Variants in MADD observed in about 807,000 individuals in gnomAD.
MADD encodes MAP kinase activating death domain, also known as MAP kinase-activating death domain protein.
A neutral mutation model predicts 176.7 loss-of-function variants in MADD; 109 were observed. The ratio of observed to expected loss-of-function variants is 0.62; its 90% confidence interval spans 0.53 to 0.72. The LOEUF is 0.72. Among genes scored for constraint, MADD ranks in the 30% least tolerant of loss-of-function variants. The pLI, the probability that MADD is intolerant of heterozygous loss-of-function variation, is 0.00. For synonymous variants in MADD, 771 were observed against 771.3 expected, an observed-to-expected ratio of 1.00 and a Z score of 0.01; for missense variants, 1,914 against 2,045.5, an observed-to-expected ratio of 0.94 and a Z score of 1.24.
chr11:47,325,219 T>TA lies in MADD; in HGVS notation c.4542+643dup, dbSNP rs2095305823. The TA allele has an allele frequency of 6.3e-6, 1 of 159,630 alleles. No homozygotes were observed. The highest frequency in any genetic ancestry group is 2.4e-5 in the African/African-American group (1 of 41,458). The allele number at this position is 159,630 out of a possible 1,614,324, so 9.9% of individuals were successfully genotyped here. A position where few individuals can be genotyped will look rare whatever the true frequency, so the allele number is the denominator to read the frequency against. The stretch of plus-strand genomic sequence containing the variant: ...TCTTTCCCTCATTGTAATTCCACCA[T>TA]AGGAGCTGACTTTTTTTTTTCTCTC... On this transcript the variant is annotated intron_variant, in intron 30 of 32. Transcript: ENST00000402192. This position sits in a 1 kb window ranked among gnomAD's most constrained non-coding sequence, Gnocchi z 4.5.
At chr11:47,315,128 G>A (rs1042792229) in intron 26 of MADD, 92 bp from the exon 30 acceptor site, 2 of 731,586 alleles carry the variant, frequency 2.7e-6, no homozygotes, top group African/African-American at 1.7e-5. Flanking sequence ...TGAGGAAGCC[G>A]ATATGAATTT....
chr11:47,308,767 C>T lies in MADD; in HGVS notation c.3751+68C>T, dbSNP rs2085310062. The stretch of plus-strand genomic sequence containing the variant: ...GACTCAGCCAGGGGAGAGGGTCACA[C>T]TGAACAAGTAGCTGGTTGTCTTTCT... On this transcript the variant is annotated intron_variant, in intron 23 of 32. Transcript: ENST00000402192. 3.8e-6 allele frequency: 5 copies of T among 1,306,390 alleles called. No homozygotes were observed. In the South Asian group the frequency reaches 4.8e-5, roughly 13 times the overall value. The allele number at this position is 1,306,390 out of a possible 1,614,324, so 80.9% of individuals were successfully genotyped here.
In MADD at chr11:47,325,347, A is replaced by T; in HGVS notation, c.4542+770A>T. ...CATCCCAGGTCCGTTCACAGCTCTGACTCCTCACACAAGTGCCTTCCCTCC... is the reference window on the plus strand; with the variant it reads ...CATCCCAGGTCCGTTCACAGCTCTGTCTCCTCACACAAGTGCCTTCCCTCC... On this transcript the variant is annotated intron_variant, in intron 30 of 32. Coordinates refer to ENST00000402192, the Ensembl canonical transcript of MADD. This position sits in a 1 kb window ranked among gnomAD's most constrained non-coding sequence, Gnocchi z 4.5. 6.6e-6 allele frequency: 1 copy of T among 151,562 alleles called. No individual in the cohort carries two copies. The allele number at this position is 151,562 out of a possible 1,614,324, so 9.4% of individuals were successfully genotyped here.
Position 47,295,469 on chromosome 11 carries a change from C to G in MADD, c.3403-27C>G, listed in dbSNP as rs749155161. On this transcript the variant is annotated intron_variant, in intron 20 of 32. Transcript: ENST00000402192. ...AAACTGAGAGGAGATTGGACACCTC[C>G]CCTAATGTTCCTGTGTCTTGTTTCA... The G allele has an allele frequency of 1.1e-5, 17 of 1,573,790 alleles. No individual in the cohort carries two copies. In the South Asian group the frequency reaches 1.9e-4, roughly 17 times the overall value.
exon 26 of MADD, chr11:47,311,787 T>C (rs753355862): frequency 1.2e-6 from 2 of 1,613,984 alleles, no homozygotes; most frequent in Non-Finnish European, 1.7e-6. Flanking sequence ...AAGTCGCACA[T>C]TGGGCTTGTG....
chr11:47,311,507 A>T (rs942610010), intron 25 of MADD, among the ~76,000 whole-genome samples: 3 of 152,188 alleles, frequency 2.0e-5, no homozygotes, highest in Non-Finnish European at 4.4e-5. Flanking sequence ...AACCGCTCTA[A>T]GAGCCACTTT....
upstream of MADD, chr11:47,269,576 G>A (rs1958286792): frequency 6.6e-6 from 1 of 152,166 alleles, no homozygotes; most frequent in South Asian, 2.1e-4. Context: ...CGGACTGACT[G>A]GACTCCATCT....
chr11:47,319,960 C>T (rs777843714), intron 27 of MADD, among the ~76,000 whole-genome samples: 1 of 142,408 alleles, frequency 7.0e-6, no homozygotes, highest in Non-Finnish European at 1.5e-5. Context: ...CACTGCTCTC[C>T]AGCCTGGGTG....
chr11:47,273,078 A>G (rs2046283810), intron 1 of MADD, among the ~76,000 whole-genome samples: 1 of 152,240 alleles, frequency 6.6e-6, no homozygotes, highest in African/African-American at 2.4e-5. Flanking sequence ...GTAGTTTTAC[A>G]TCAAGCTGAA....
chr11:47,327,842 C>G (rs2095623762), intron 31 of MADD: 2 of 985,332 alleles, frequency 2.0e-6, no homozygotes, highest in African/African-American at 3.5e-5. Context: ...TGCTCCCAGT[C>G]TCAAGGGGCC....
chr11:47,274,933 C>G (rs1175992981), exon 3 of MADD: 3 of 1,613,930 alleles, frequency 1.9e-6, no homozygotes, highest in Non-Finnish European at 2.5e-6. Flanking sequence ...CCTGCAGCCT[C>G]TCAGTGCTGA....
intron 14 of MADD, among the ~76,000 whole-genome samples, chr11:47,286,031 A>G (rs1244041949): frequency 2.0e-5 from 3 of 152,248 alleles, no homozygotes; most frequent in African/African-American, 7.2e-5. Context: ...GGGTCGTATC[A>G]GCTAAAGATT....
chr11:47,329,420 A>G (rs2095808635), exon 33 of MADD: 2 of 468,830 alleles, frequency 4.3e-6, no homozygotes, highest in Admixed American at 3.3e-5. Context: ...GTGTGAACCC[A>G]CTATTTTGTG....
exon 8 of MADD, chr11:47,281,645 T>C (rs1395686410): frequency 1.9e-6 from 3 of 1,613,442 alleles, no homozygotes; most frequent in Non-Finnish European, 2.5e-6. Context: ...GGCCAGGAGA[T>C]CCCCCTTCTC....
chr11:47,312,240 C>T (rs1194645563), intron 26 of MADD, among the ~76,000 whole-genome samples: 2 of 151,968 alleles, frequency 1.3e-5, no homozygotes, highest in African/African-American at 2.4e-5. Context: ...CTCAGTTTTT[C>T]GTTTTTGTTT....
intron 15 of MADD, chr11:47,289,022 G>T (rs200176638): frequency 3.1e-6 from 5 of 1,593,404 alleles, no homozygotes; most frequent in Non-Finnish European, 3.4e-6. Context: ...CCCGGGAGTG[G>T]TGAAGGTGGG....
chr11:47,308,553 C>G (rs1565487456), intron 22 of MADD, 38 bp from the exon 25 acceptor site: 9 of 1,509,772 alleles, frequency 6.0e-6, no homozygotes, highest in Non-Finnish European at 8.3e-6. Context: ...CTATTCATTG[C>G]TACCTCTGGC....
At chr11:47,329,217 A>G in exon 33 of MADD, 1 of 1,181,648 alleles carries the variant, frequency 8.5e-7, no homozygotes, top group Non-Finnish European at 1.3e-6. Flanking sequence ...TCCCAAGTGC[A>G]CGATGCTGCT....
intron 14 of MADD, 37 bp from the exon 15 acceptor site, chr11:47,286,396 C>A: frequency 7.2e-7 from 1 of 1,384,544 alleles, no homozygotes; most frequent in Non-Finnish European, 1.0e-6. Context: ...ATTACTTACT[C>A]TGCCAAGTCA....
Sources: gnomAD v4.1 joint callset for allele counts (sites outside exome capture counted in the v4.1 genomes callset) on GRCh38, gnomAD v4.1.1 for gene constraint, Gnocchi (gnomAD v3.1) non-coding constraint, MANE v1.5 for transcripts, NCBI Gene and HGNC (gene_info 2026-07-23, HGNC 2026-07-21) for gene names.